Variants in EIF4EBP1 observed in about 807,000 individuals in gnomAD.
EIF4EBP1 encodes the protein eukaryotic translation initiation factor 4E-binding protein 1.
A neutral mutation model predicts 9.2 loss-of-function variants in EIF4EBP1; 5 were observed. The ratio of observed to expected loss-of-function variants is 0.54; its 90% CI spans 0.28 to 1.14. The LOEUF (loss-of-function observed/expected upper bound fraction) is 1.14, where lower values mean the gene tolerates loss of function less well. Ranked by LOEUF, EIF4EBP1 falls within the 50% of genes most tolerant of loss-of-function variation. EIF4EBP1 has a pLI of 0.09. For synonymous variants in EIF4EBP1, 62 were observed against 67.0 expected (o/e 0.93, Z 0.36); for missense variants, 139 against 169.6 (o/e 0.82, Z 1.00).
chr8:38,046,522 C>G (rs1043599297), intron 1 of EIF4EBP1, among the ~76,000 whole-genome samples: 1 of 152,166 alleles, frequency 6.6e-6, no homozygotes, highest in Non-Finnish European at 1.5e-5. Flanking sequence ...TTTATCCCTG[C>G]TTTGACTGAT....
At chr8:38,030,859 G>A (rs548156412) in intron 1 of EIF4EBP1, 141 bp downstream of exon 1, 2 of 1,260,284 alleles carry the variant, frequency 1.6e-6, no homozygotes, top group Admixed American at 4.0e-5. Context: ...GACAGCGAGG[G>A]TCATGGAAGT....
intron 1 of EIF4EBP1, among the ~76,000 whole-genome samples, chr8:38,053,033 GA>G (rs1174834160): frequency 2.6e-5 from 4 of 151,850 alleles, no homozygotes; most frequent in African/African-American, 9.7e-5. Flanking sequence ...AATTTTTTTT[GA>G]GACAGAGTCT....
At chr8:38,047,751 C>T (rs908280738) in intron 1 of EIF4EBP1, among the ~76,000 whole-genome samples, 5 of 152,222 alleles carry the variant, frequency 3.3e-5, no homozygotes, top group African/African-American at 1.2e-4. Context: ...TCCCAAAGCA[C>T]TGAGATTACA....
Position 38,034,031 on chromosome 8 carries a change from C to T in EIF4EBP1, c.145+3313C>T, listed in dbSNP as rs1011698305. Among the ~76,000 whole-genome samples, 4 of 152,068 alleles carry T rather than the reference C, an allele frequency of 2.6e-5. No homozygotes were observed. In the South Asian group the frequency reaches 8.3e-4, roughly 32 times the overall value. On this transcript the variant is annotated intron_variant, in intron 1 of 2. Coordinates refer to ENST00000338825, the MANE Select transcript of EIF4EBP1 (RefSeq NM_004095.4). Reference sequence around the variant, plus strand: ...AAAGTACTGGGATTACAGGCGTGAGCCACTGCACCCGGCCCTTTTTTTGTT... The same window carrying T: ...AAAGTACTGGGATTACAGGCGTGAGTCACTGCACCCGGCCCTTTTTTTGTT...
intron 1 of EIF4EBP1, among the ~76,000 whole-genome samples, chr8:38,050,054 G>A (rs145663003): frequency 0.016 from 2,388 of 151,920 alleles, 31 homozygotes; most frequent in Middle Eastern, 0.034. Context: ...TGGACTACAG[G>A]TGTGCACCAC....
At chr8:38,041,554 A>G (rs1304769934) in intron 1 of EIF4EBP1, among the ~76,000 whole-genome samples, 1 of 152,256 alleles carries the variant, frequency 6.6e-6, no homozygotes, top group Non-Finnish European at 1.5e-5. Flanking sequence ...ATGTGTGGCC[A>G]GCAGAGCCAG....
At chr8:38,047,704 C>T (rs370573070) in intron 1 of EIF4EBP1, among the ~76,000 whole-genome samples, 13 of 152,212 alleles carry the variant, frequency 8.5e-5, no homozygotes, top group South Asian at 2.1e-4. Context: ...AGGCTGGTCT[C>T]GAACTCCTGA....
rs148773424 is a variant in EIF4EBP1 at position 38,045,691 on chromosome 8, C to T, written c.146-11390C>T. On this transcript the variant is annotated intron_variant, in intron 1 of 2. Coordinates refer to ENST00000338825, the MANE Select transcript of EIF4EBP1 (RefSeq NM_004095.4). ...TTGTTCTCCAGCCTGGGCAGCAGAC[C>T]GAGACTCTATCTCAAAAAATAATAA... Among the ~76,000 whole-genome samples, 273 of 151,978 alleles carry T rather than the reference C, an allele frequency of 1.8e-3. 1 individual carries two copies. Among genetic ancestry groups the T allele is most frequent in the African/African-American group, 6.0e-3 (247 of 41,454 alleles).
chr8:38,040,200 A>G lies in EIF4EBP1; in HGVS notation c.145+9482A>G, dbSNP rs796713475. On this transcript the variant is annotated intron_variant, in intron 1 of 2. Coordinates refer to ENST00000338825, the MANE Select transcript of EIF4EBP1 (RefSeq NM_004095.4). ...ATCTGGCAACTTTTTCTTACACTGA[A>G]CAAGCCAGTATTGGGGCCGGGGTCT... Among the ~76,000 whole-genome samples, 2 of 152,280 alleles carry G rather than the reference A, an allele frequency of 1.3e-5. 1 individual carries two copies. Among genetic ancestry groups the G allele is most frequent in the African/African-American group, 4.8e-5 (2 of 41,568 alleles).
intron 1 of EIF4EBP1, among the ~76,000 whole-genome samples, chr8:38,056,728 C>G (rs972262170): frequency 2.7e-4 from 40 of 150,228 alleles, no homozygotes; most frequent in African/African-American, 9.6e-4. Context: ...TACAGTGGTG[C>G]AATCGGCTCA....
At position 38,040,292 on chromosome 8, in the gene EIF4EBP1, A is replaced by G. The variant is rs75104712; in HGVS notation, c.145+9574A>G. On this transcript the variant is annotated intron_variant, in intron 1 of 2. Transcript: ENST00000338825. ...CAGCATTGCTGACAAGGCAAGAGTA[A>G]GTAACTGCTGCTCACTGACATTTGG... Among the ~76,000 whole-genome samples, 927 of 152,338 alleles carry G rather than the reference A, an allele frequency of 6.1e-3. 17 individuals carry two copies. Among genetic ancestry groups the G allele is most frequent in the African/African-American group, 0.02 (849 of 41,578 alleles).
intron 1 of EIF4EBP1, among the ~76,000 whole-genome samples, chr8:38,043,318 T>C (rs994785273): frequency 1.3e-5 from 2 of 152,096 alleles, no homozygotes; most frequent in African/African-American, 4.8e-5. Flanking sequence ...GCTATTTTGT[T>C]CTGAAAGTCT....
At chr8:38,030,844 G>A in intron 1 of EIF4EBP1, 126 bp downstream of exon 1, 2 of 1,314,440 alleles carry the variant, frequency 1.5e-6, no homozygotes, top group African/African-American at 1.6e-5. Flanking sequence ...AAGGGGCATC[G>A]GAGAGACAGC....
rs1809608474 is a variant in EIF4EBP1 at position 38,057,141 on chromosome 8, A to G, written c.206A>G (p.Lys69Arg). The G allele has an allele frequency of 6.2e-7, 1 of 1,614,220 alleles. No homozygotes were observed. The highest frequency in any genetic ancestry group is 1.3e-5 in the African/African-American group (1 of 75,054). Residue 69 changes from lysine to arginine, a missense_variant, in exon 2 of 3, where the codon AAA (lysine) becomes AGA (arginine). Lys to Arg is a conservative substitution (Grantham distance 26). Coordinates refer to ENST00000338825, the MANE Select transcript of EIF4EBP1 (RefSeq NM_004095.4). ...LMECRNSPVT[K>R]TPPRDLPTIP... ...GAGTGTCGGAACTCACCTGTGACCA[A>G]AACACCCCCAAGGGATCTGCCCACC...
intron 1 of EIF4EBP1, among the ~76,000 whole-genome samples, chr8:38,048,931 C>T (rs528403857): frequency 4.0e-5 from 6 of 151,802 alleles, no homozygotes; most frequent in Non-Finnish European, 8.8e-5. Flanking sequence ...GAATTCAAGA[C>T]CAGCCTCGAC....
At chr8:38,041,055 C>T (rs910538926) in intron 1 of EIF4EBP1, among the ~76,000 whole-genome samples, 12 of 152,164 alleles carry the variant, frequency 7.9e-5, no homozygotes, top group African/African-American at 2.9e-4. Context: ...CCGCCTCGGC[C>T]TCCCAAAGTG....
At chr8:38,050,251 C>T (rs750428089) in intron 1 of EIF4EBP1, among the ~76,000 whole-genome samples, 1 of 152,026 alleles carries the variant, frequency 6.6e-6, no homozygotes, top group Non-Finnish European at 1.5e-5. Context: ...TCCTTTATTA[C>T]CTGTTTCCTC....
At chr8:38,034,321 T>C (rs1427270258) in intron 1 of EIF4EBP1, among the ~76,000 whole-genome samples, 1 of 152,114 alleles carries the variant, frequency 6.6e-6, no homozygotes, top group East Asian at 1.9e-4. Flanking sequence ...CTGCTGGGAT[T>C]GTAGGCATGA....
At chr8:38,038,053 G>A (rs993109176) in intron 1 of EIF4EBP1, among the ~76,000 whole-genome samples, 4 of 151,948 alleles carry the variant, frequency 2.6e-5, no homozygotes, top group South Asian at 2.1e-4. Flanking sequence ...GATTACAGGC[G>A]TGAGCCACTG....
Sources: gnomAD v4.1 joint callset for allele counts (sites outside exome capture counted in the v4.1 genomes callset) on GRCh38, gnomAD v4.1.1 for gene constraint, MANE v1.5 for transcripts, NCBI Gene and HGNC (gene_info 2026-07-23, HGNC 2026-07-21) for gene names.